Variants in MRPS11 observed in about 807,000 individuals in gnomAD.
The protein encoded by MRPS11 is mitochondrial ribosomal protein S11.
A neutral mutation model predicts 24.3 loss-of-function variants in MRPS11; 27 were observed. That is an observed-to-expected ratio of 1.11 (90% CI 0.82 to 1.53). The LOEUF (loss-of-function observed/expected upper bound fraction) is 1.53, where lower values mean the gene tolerates loss of function less well. MRPS11 is among the 40% of genes most tolerant of loss of function. The pLI, the probability that MRPS11 is intolerant of heterozygous loss-of-function variation, is 0.00. For missense variants in MRPS11, 277 were observed against 256.5 expected, an observed-to-expected ratio of 1.08 and a Z score of -0.55; for synonymous variants, 104 against 98.7, an observed-to-expected ratio of 1.05 and a Z score of -0.32.
At position 88,477,294 on chromosome 15, in the gene MRPS11, G is replaced by A. The variant is rs1265776886; in HGVS notation, c.477+240G>A. Among the ~76,000 whole-genome samples, 2 of 152,224 alleles carry A rather than the reference G, an allele frequency of 1.3e-5. No homozygotes were observed. The highest frequency in any genetic ancestry group is 4.8e-5 in the African/African-American group (2 of 41,458). On this transcript the variant is annotated intron_variant, in intron 5 of 5. Transcript: ENST00000325844. This position sits in a 1 kb window ranked among gnomAD's most constrained non-coding sequence, Gnocchi z 5.7. ...GCCACGCACTGGGAATGGGAAGGTG[G>A]TTCCTGGGGGAACTGTCACAAACAA... is the stretch of plus-strand genomic sequence containing the variant.
rs919276784 is a variant in MRPS11, at chr15:88,480,626, A to C, written c.*2647A>C. On this transcript the variant is annotated 3_prime_UTR_variant, in exon 6 of 6. Coordinates refer to ENST00000325844, the MANE Select transcript of MRPS11 (RefSeq NM_022839.5). The surrounding 1 kb of genome is among the most constrained non-coding windows in gnomAD (Gnocchi z 5.1). ...AGGATCAATGGTCTTGTTGCCGGAA[A>C]TGGATGTCTGGCGCAACCCCCGGAG... The C allele has an allele frequency of 6.6e-6, 1 of 152,162 alleles. No homozygotes were observed. The highest frequency in any genetic ancestry group is 2.4e-5 in the African/African-American group (1 of 41,436). The allele number at this position is 152,162 out of a possible 1,614,324, so 9.4% of individuals were successfully genotyped here.
Position 88,470,040 on chromosome 15 carries a change from G to A in MRPS11, c.182+2016G>A, listed in dbSNP as rs553085997. Among the ~76,000 whole-genome samples, 117 of 152,262 alleles carry A rather than the reference G, an allele frequency of 7.7e-4. 1 individual carries two copies. The highest frequency in any genetic ancestry group is 2.5e-3 in the African/African-American group (103 of 41,546). ...CATTAGAAATGGAGCTCAAGGGCCGGGCGCGGTGGCTCACACCTGTAATCC... is the reference window on the plus strand; with the variant it reads ...CATTAGAAATGGAGCTCAAGGGCCGAGCGCGGTGGCTCACACCTGTAATCC... On this transcript the variant is annotated intron_variant, in intron 2 of 5. Coordinates refer to ENST00000325844, the MANE Select transcript of MRPS11 (RefSeq NM_022839.5).
chr15:88,473,068 A>G (rs975684507), intron 3 of MRPS11, among the ~76,000 whole-genome samples: 4 of 152,218 alleles, frequency 2.6e-5, no homozygotes, highest in Admixed American at 2.6e-4. Flanking sequence ...CTGGTAGGGA[A>G]TGGATGATAT....
At position 88,477,173 on chromosome 15, in the gene MRPS11, G is replaced by T; in HGVS notation, c.477+119G>T. ...TTTTAGTGGATTTCCATGTTTGCTT[G>T]AAGTTCCCGTCTGTTGTTTCTATAA... On this transcript the variant is annotated intron_variant, in intron 5 of 5. Coordinates refer to ENST00000325844, the MANE Select transcript of MRPS11 (RefSeq NM_022839.5). This position sits in a 1 kb window ranked among gnomAD's most constrained non-coding sequence, Gnocchi z 5.7. 1.1e-6 allele frequency: 1 copy of T among 921,262 alleles called. No homozygotes were observed. The highest frequency in any genetic ancestry group is 1.7e-6 in the Non-Finnish European group (1 of 584,468). 57.1% of individuals were successfully genotyped at this position (921,262 alleles called of 1,614,324 possible).
At chr15:88,468,400 T>G (rs2055601986) in intron 2 of MRPS11, 1 of 1,098,840 alleles carries the variant, frequency 9.1e-7, no homozygotes, top group Non-Finnish European at 1.1e-6. Flanking sequence ...CAGATGTTCC[T>G]GCACGTCTTA....
intron 2 of MRPS11, 110 bp downstream of exon 2, chr15:88,468,134 G>T: frequency 6.7e-7 from 1 of 1,482,574 alleles, no homozygotes; most frequent in South Asian, 1.3e-5. Context: ...TGCTATCCGT[G>T]GGACCTTATG....
At chr15:88,467,862 C>T (rs2055579562) in intron 1 of MRPS11, 46 bp from the exon 2 acceptor site, 3 of 1,612,588 alleles carry the variant, frequency 1.9e-6, no homozygotes, top group Non-Finnish European at 1.7e-6. Flanking sequence ...CCACCCGGGC[C>T]CCAGTGACCG....
intron 3 of MRPS11, among the ~76,000 whole-genome samples, chr15:88,474,622 G>C (rs2055783699): frequency 6.6e-6 from 1 of 151,848 alleles, no homozygotes; most frequent in Non-Finnish European, 1.5e-5. Context: ...CCTTCTTTTA[G>C]AGCTATGTAC....
At chr15:88,473,782 A>C (rs1035279326) in intron 3 of MRPS11, among the ~76,000 whole-genome samples, 1 of 152,210 alleles carries the variant, frequency 6.6e-6, no homozygotes, top group African/African-American at 2.4e-5. Context: ...GAGCTCTCAG[A>C]GCTCTCCAGA....
chr15:88,475,248 G>A lies in MRPS11; in HGVS notation c.411+9G>A, dbSNP rs377711917. On this transcript the variant is annotated intron_variant, in intron 4 of 5. Coordinates refer to ENST00000325844, the MANE Select transcript of MRPS11 (RefSeq NM_022839.5). This position sits in a 1 kb window ranked among gnomAD's most constrained non-coding sequence, Gnocchi z 4.1. ...GCATAGCCGCAGCGGCGGTAAGTGT[G>A]TGTTCCTTCTGCTTCCTTCTAGTGT... 1.9e-6 allele frequency: 3 copies of A among 1,613,906 alleles called. No individual in the cohort carries two copies. Among genetic ancestry groups the A allele is most frequent in the East Asian group, 2.2e-5 (1 of 44,882 alleles).
At chr15:88,473,474 G>C (rs573932272) in intron 3 of MRPS11, among the ~76,000 whole-genome samples, 1 of 152,276 alleles carries the variant, frequency 6.6e-6, no homozygotes, top group East Asian at 1.9e-4. Flanking sequence ...AATGCTATAG[G>C]ATTCATTTCA....
At chr15:88,471,885 C>A (rs2055713161) in intron 2 of MRPS11, among the ~76,000 whole-genome samples, 1 of 152,228 alleles carries the variant, frequency 6.6e-6, no homozygotes. Flanking sequence ...GAAGCTTAAA[C>A]ATCTGTATGC....
intron 3 of MRPS11, among the ~76,000 whole-genome samples, chr15:88,473,304 A>C (rs1280483711): frequency 6.6e-6 from 1 of 152,178 alleles, no homozygotes; most frequent in African/African-American, 2.4e-5. Context: ...ATTCCCAAAC[A>C]TATGCTGCCA....
At chr15:88,472,392 C>T in intron 2 of MRPS11, 1 of 427,874 alleles carries the variant, frequency 2.3e-6, no homozygotes, top group Non-Finnish European at 4.3e-6. Context: ...AAAATCCCTT[C>T]TCATAGCGGA....
chr15:88,471,837 C>A (rs7177526), intron 2 of MRPS11, among the ~76,000 whole-genome samples: 10,247 of 152,224 alleles, frequency 0.067, 1,191 homozygotes, highest in African/African-American at 0.23. Context: ...GGGACATTTG[C>A]AACATTGATT....
chr15:88,476,706 C>T (rs1387459905), intron 4 of MRPS11: 4 of 339,464 alleles, frequency 1.2e-5, no homozygotes, highest in Non-Finnish European at 2.1e-5. Context: ...TCTGCATTTG[C>T]CCCCCTGAGA....
chr15:88,474,559 CAA>C (rs61044753), intron 3 of MRPS11, among the ~76,000 whole-genome samples: 1 of 138,828 alleles, frequency 7.2e-6, no homozygotes, highest in African/African-American at 2.6e-5. Context: ...AACTCCATCT[CAA>C]AAAAAAAAAA....
rs923459281 is a variant in MRPS11, at chr15:88,469,297, G to A, written c.182+1273G>A. On this transcript the variant is annotated intron_variant, in intron 2 of 5. Coordinates refer to ENST00000325844, the MANE Select transcript of MRPS11 (RefSeq NM_022839.5). The surrounding 1 kb of genome is among the most constrained non-coding windows in gnomAD (Gnocchi z 4.4). ...AGCTTTTACGCTGTCCCCACTGAAGGCAGTGAGGAGCTGCTGAAAGCATCT... is the reference window on the plus strand; with the variant it reads ...AGCTTTTACGCTGTCCCCACTGAAGACAGTGAGGAGCTGCTGAAAGCATCT... 3.9e-5 allele frequency among the ~76,000 whole-genome samples: 6 copies of A among 152,180 alleles called. No homozygotes were observed. The highest frequency in any genetic ancestry group is 8.8e-5 in the Non-Finnish European group (6 of 68,022).
chr15:88,469,722 C>A lies in MRPS11; in HGVS notation c.182+1698C>A, dbSNP rs909404575. Among the ~76,000 whole-genome samples, 1 of 152,144 alleles carries A rather than the reference C, an allele frequency of 6.6e-6. No homozygotes were observed. Among genetic ancestry groups the A allele is most frequent in the Non-Finnish European group, 1.5e-5 (1 of 68,028 alleles). Reference sequence around the variant, plus strand: ...TGGAAGCTGGGAAAAGTCCTCTAAGCAGTTAGAAGACTATTGAAATAATCC... The same window carrying A: ...TGGAAGCTGGGAAAAGTCCTCTAAGAAGTTAGAAGACTATTGAAATAATCC... On this transcript the variant is annotated intron_variant, in intron 2 of 5. Transcript: ENST00000325844. This position sits in a 1 kb window ranked among gnomAD's most constrained non-coding sequence, Gnocchi z 4.4.
Sources: gnomAD v4.1 joint callset for allele counts (sites outside exome capture counted in the v4.1 genomes callset) on GRCh38, gnomAD v4.1.1 for gene constraint, Gnocchi (gnomAD v3.1) non-coding constraint, MANE v1.5 for transcripts, NCBI Gene and HGNC (gene_info 2026-07-23, HGNC 2026-07-21) for gene names.